Variants in RPS6KA2 observed in about 807,000 individuals in gnomAD.
RPS6KA2 encodes ribosomal protein S6 kinase alpha-2.
In RPS6KA2, 42 loss-of-function variants were observed where a neutral mutation model predicts 91.8. That is an observed-to-expected ratio of 0.46 (90% CI 0.36 to 0.59). RPS6KA2 has a LOEUF of 0.59. Ranked by LOEUF, RPS6KA2 falls within the 20% of genes least tolerant of loss-of-function variation. RPS6KA2 has a pLI of 0.00. For synonymous variants in RPS6KA2, 414 were observed against 393.6 expected (o/e 1.05, Z -0.61); for missense variants, 798 against 978.5 (o/e 0.82, Z 2.46).
chr6:166,490,563 G>A lies in RPS6KA2; in HGVS notation c.818+108C>T. On this transcript the variant is annotated intron_variant, in intron 9 of 20. Transcript: ENST00000265678. The surrounding 1 kb of genome is among the most constrained non-coding windows in gnomAD (Gnocchi z 4.2). ...AAACAGCTTACAATACTTTGGCACT[G>A]TAAGCCTAGCAATGTAATTAAAACT... is the stretch of plus-strand genomic sequence containing the variant. 1.3e-6 allele frequency: 1 copy of A among 796,988 alleles called. No homozygotes were observed. The allele number at this position is 796,988 out of a possible 1,614,324, so 49.4% of individuals were successfully genotyped here.
In RPS6KA2 at chr6:166,770,314, C is replaced by T. The variant is rs1227228050; in HGVS notation, c.123+87886G>A. On this transcript the variant is annotated intron_variant, in intron 2 of 21. Transcript: ENST00000503859. The surrounding 1 kb of genome is among the most constrained non-coding windows in gnomAD (Gnocchi z 5.1). ...GCTTGAAATAGGAGAAATCTACCTC[C>T]ATCTAAAATTATCTATTTTAGTCCT... Among the ~76,000 whole-genome samples, 1 of 152,190 alleles carries T rather than the reference C, an allele frequency of 6.6e-6. No homozygotes were observed. Among genetic ancestry groups the T allele is most frequent in the Non-Finnish European group, 1.5e-5 (1 of 68,040 alleles).
At chr6:166,700,046 C>T (rs1789464701) in intron 2 of RPS6KA2, among the ~76,000 whole-genome samples, 1 of 152,182 alleles carries the variant, frequency 6.6e-6, no homozygotes, top group Non-Finnish European at 1.5e-5. Flanking sequence ...TTGCTTTTTG[C>T]CAATCAGTTG....
chr6:166,625,667 T>C (rs1786846256), intron 1 of RPS6KA2, among the ~76,000 whole-genome samples: 1 of 152,196 alleles, frequency 6.6e-6, no homozygotes, highest in South Asian at 2.1e-4. Context: ...TCAGATTTTT[T>C]AAGTGCCTGT....
rs187623907 is a variant in RPS6KA2, at chr6:166,785,975, T to A, written c.123+72225A>T. On this transcript the variant is annotated intron_variant, in intron 2 of 21. Coordinates refer to the RPS6KA2 transcript ENST00000503859. ...TCAATTAAATAACATTTGGTTTTAT[T>A]TTCTTTTTAAAAATCTAAGAAAAAA... is the stretch of plus-strand genomic sequence containing the variant. Among the ~76,000 whole-genome samples the A allele has an allele frequency of 3.3e-5, 5 of 152,342 alleles. No homozygotes were observed. In the East Asian group the frequency reaches 9.6e-4, roughly 29 times the overall value.
intron 2 of RPS6KA2, among the ~76,000 whole-genome samples, chr6:166,745,683 G>A (rs747182807): frequency 6.6e-6 from 1 of 151,652 alleles, no homozygotes; most frequent in African/African-American, 2.4e-5. Flanking sequence ...ACGAGAGGGG[G>A]TGACAACAGT....
chr6:166,810,218 G>A (rs370373775), intron 2 of RPS6KA2, among the ~76,000 whole-genome samples: 13 of 152,114 alleles, frequency 8.5e-5, no homozygotes, highest in African/African-American at 2.4e-4. Flanking sequence ...ACCTAGTCCC[G>A]CCCTCAACAT....
At chr6:166,862,252 G>C (rs1479182812) in exon 1 of RPS6KA2, 2 of 1,603,894 alleles carry the variant, frequency 1.2e-6, no homozygotes, top group Non-Finnish European at 1.7e-6. Flanking sequence ...ACAGGGGGAC[G>C]GCCAGACGGG....
chr6:166,565,076 T>C (rs1423555285), intron 1 of RPS6KA2, among the ~76,000 whole-genome samples: 2 of 152,024 alleles, frequency 1.3e-5, no homozygotes, highest in Non-Finnish European at 2.9e-5. Flanking sequence ...GAAGTGGAGA[T>C]GGCTGGGCTG....
intron 1 of RPS6KA2, among the ~76,000 whole-genome samples, chr6:166,579,038 G>A (rs889707540): frequency 1.3e-5 from 2 of 152,138 alleles, no homozygotes; most frequent in Admixed American, 6.6e-5. Flanking sequence ...GTCTGATGTC[G>A]AGCAGCATGG....
intron 2 of RPS6KA2, among the ~76,000 whole-genome samples, chr6:166,738,330 G>A (rs1269693962): frequency 6.6e-6 from 1 of 152,202 alleles, no homozygotes; most frequent in African/African-American, 2.4e-5. Flanking sequence ...CAGTGGTCTG[G>A]AAGGCAGCAG....
intron 1 of RPS6KA2, among the ~76,000 whole-genome samples, chr6:166,861,362 A>G (rs1386745747): frequency 3.3e-5 from 1 of 30,656 alleles, no homozygotes; most frequent in Non-Finnish European, 2.4e-4. Context: ...GGTATATCTA[A>G]TAATTTAGTA....
intron 10 of RPS6KA2, among the ~76,000 whole-genome samples, chr6:166,486,330 C>T (rs970257281): frequency 1.3e-5 from 2 of 152,192 alleles, no homozygotes; most frequent in South Asian, 2.1e-4. Context: ...GCAGCATGGG[C>T]CCTCTGTCCT....
Position 166,488,854 on chromosome 6 carries a change from G to A in RPS6KA2, c.886C>T (p.Arg296Trp), listed in dbSNP as rs1470862955. ...TTACCCAGCCGGTTGCAGGGGTTCC[G>A]TTTGAAGAGAGCTCGCAGCAAACTC... ...AQSLLRALFK[R>W]NPCNRLGAGI... Residue 296 changes from arginine to tryptophan, a missense_variant, in exon 10 of 21, where the codon CGG becomes TGG. By Grantham distance (101) the Arg-to-Trp change is moderately radical (BLOSUM62 -3). Coordinates refer to ENST00000265678, the MANE Select transcript of RPS6KA2 (RefSeq NM_021135.6). The A allele has an allele frequency of 1.2e-6, 2 of 1,613,470 alleles. No individual in the cohort carries two copies. The highest frequency in any genetic ancestry group is 1.3e-5 in the African/African-American group (1 of 75,042).
At chr6:166,546,209 C>T (rs899826921) in intron 1 of RPS6KA2, among the ~76,000 whole-genome samples, 4 of 152,088 alleles carry the variant, frequency 2.6e-5, no homozygotes, top group Non-Finnish European at 4.4e-5. Context: ...TGCACAGGAA[C>T]GATCTCCGAG....
chr6:166,624,488 C>A (rs1455737949), intron 1 of RPS6KA2, among the ~76,000 whole-genome samples: 3 of 152,166 alleles, frequency 2.0e-5, no homozygotes, highest in African/African-American at 7.2e-5. Context: ...AACAGGCAGC[C>A]TTCTCAAGTA....
chr6:166,664,342 T>C (rs1262701333), intron 2 of RPS6KA2, among the ~76,000 whole-genome samples: 1 of 152,252 alleles, frequency 6.6e-6, no homozygotes, highest in Non-Finnish European at 1.5e-5. Context: ...AAGTAAACAC[T>C]TTAAGTTTCC....
intron 1 of RPS6KA2, among the ~76,000 whole-genome samples, chr6:166,543,090 G>A (rs1477762068): frequency 1.3e-5 from 2 of 152,164 alleles, no homozygotes; most frequent in Admixed American, 6.5e-5. Flanking sequence ...TGCTGCTGAC[G>A]GCATGAACTC....
intron 3 of RPS6KA2, 59 bp from the exon 4 acceptor site, chr6:166,510,416 C>T: frequency 8.8e-7 from 1 of 1,135,026 alleles, no homozygotes; most frequent in Non-Finnish European, 1.3e-6. Flanking sequence ...CTGAGGAACA[C>T]TGAACATGAA....
chr6:166,537,731 G>T (rs574142351), intron 2 of RPS6KA2, among the ~76,000 whole-genome samples: 8 of 152,332 alleles, frequency 5.3e-5, no homozygotes, highest in African/African-American at 1.4e-4. Flanking sequence ...TTTGGTAAAT[G>T]TCTACATACC....
Sources: gnomAD v4.1 joint callset for allele counts (sites outside exome capture counted in the v4.1 genomes callset) on GRCh38, gnomAD v4.1.1 for gene constraint, Gnocchi (gnomAD v3.1) non-coding constraint, MANE v1.5 for transcripts, NCBI Gene and HGNC (gene_info 2026-07-23, HGNC 2026-07-21) for gene names.